LPAR1: variants seen among roughly 807,000 people sequenced by gnomAD.
LPAR1 encodes lysophosphatidic acid receptor 1, also known as LPA receptor 1.
LPAR1 carries 5 observed loss-of-function variants against 23.8 expected under a neutral mutation model. The ratio of observed to expected loss-of-function variants is 0.21; its 90% CI spans 0.11 to 0.44. LPAR1 has a LOEUF of 0.44. Among genes scored for constraint, LPAR1 ranks in the 20% least tolerant of loss-of-function variants. The pLI, the probability that LPAR1 is intolerant of heterozygous loss-of-function variation, is 0.99. For missense variants in LPAR1, 311 were observed against 482.8 expected (o/e 0.64, Z 3.33); for synonymous variants, 160 against 164.7 (o/e 0.97, Z 0.22).
At chr9:111,009,666 T>C (rs1012063793) in intron 2 of LPAR1, among the ~76,000 whole-genome samples, 22 of 151,934 alleles carry the variant, frequency 1.4e-4, no homozygotes, top group South Asian at 1.0e-3. Context: ...AAAAAAGTTA[T>C]TTAAAAATTA....
At chr9:111,007,360 C>T (rs2097240386) in intron 2 of LPAR1, among the ~76,000 whole-genome samples, 1 of 152,118 alleles carries the variant, frequency 6.6e-6, no homozygotes, top group South Asian at 2.1e-4. Flanking sequence ...CTTTATATCA[C>T]ATCATAAACT....
At chr9:110,918,185 G>A (rs933270429) in intron 5 of LPAR1, among the ~76,000 whole-genome samples, 1 of 152,016 alleles carries the variant, frequency 6.6e-6, no homozygotes, top group African/African-American at 2.4e-5. Flanking sequence ...CTCCCAAAGT[G>A]CTAGAATTAT....
chr9:110,895,390 G>A (rs1407587228), intron 5 of LPAR1, among the ~76,000 whole-genome samples: 1 of 152,230 alleles, frequency 6.6e-6, no homozygotes, highest in Non-Finnish European at 1.5e-5. Flanking sequence ...AGACACTGGG[G>A]CCTGGCCACT....
intron 2 of LPAR1, among the ~76,000 whole-genome samples, chr9:110,974,792 T>C (rs2096516962): frequency 6.6e-6 from 1 of 152,224 alleles, no homozygotes; most frequent in Non-Finnish European, 1.5e-5. Context: ...GAAAAGCATA[T>C]GTATACAGGA....
Position 110,968,427 on chromosome 9 carries a change from CCT to C in LPAR1, c.45+3644_45+3645del, listed in dbSNP as rs766545986. On this transcript the variant is annotated intron_variant, in intron 4 of 5. Transcript: ENST00000683809. Reference sequence around the variant, plus strand: ...AAACAAAATTCTAAATGCTTTGCTCCCTCTCTCTCTCTCTCTCTCACACACAC... The same window carrying C: ...AAACAAAATTCTAAATGCTTTGCTCCCTCTCTCTCTCTCTCTCACACACAC... Among the ~76,000 whole-genome samples the C allele has an allele frequency of 3.0e-3, 444 of 149,010 alleles. 1 individual carries two copies. The highest frequency in any genetic ancestry group is 8.6e-3 in the African/African-American group (350 of 40,746).
chr9:111,014,571 T>G (rs929535231), intron 2 of LPAR1, among the ~76,000 whole-genome samples: 13 of 152,158 alleles, frequency 8.5e-5, no homozygotes, highest in African/African-American at 2.9e-4. Context: ...AATGACCAGG[T>G]GTCTGCCCTG....
chr9:111,025,865 G>A (rs539428802), intron 2 of LPAR1, among the ~76,000 whole-genome samples: 2 of 152,030 alleles, frequency 1.3e-5, no homozygotes, highest in Non-Finnish European at 2.9e-5. Flanking sequence ...GTATATGTGT[G>A]GTATTATTTC....
chr9:111,018,619 A>G (rs1343139814), intron 2 of LPAR1, among the ~76,000 whole-genome samples: 1 of 152,210 alleles, frequency 6.6e-6, no homozygotes, highest in Non-Finnish European at 1.5e-5. Flanking sequence ...GACAATGGCT[A>G]TCTCTAGGTG....
chr9:110,889,339 C>A (rs2083377030), intron 5 of LPAR1, among the ~76,000 whole-genome samples: 1 of 151,888 alleles, frequency 6.6e-6, no homozygotes, highest in South Asian at 2.1e-4. Flanking sequence ...GCCTGGGCAA[C>A]AGAGTAAGAC....
chr9:111,020,535 C>T (rs142765332), intron 2 of LPAR1, among the ~76,000 whole-genome samples: 92 of 152,328 alleles, frequency 6.0e-4, no homozygotes, highest in Non-Finnish European at 8.8e-4. Flanking sequence ...CCACTTCTCT[C>T]TTAGGGCTAT....
intron 5 of LPAR1, among the ~76,000 whole-genome samples, chr9:110,894,145 TAAG>T (rs147840409): frequency 0.016 from 2,499 of 152,296 alleles, 60 homozygotes; most frequent in African/African-American, 0.055. Flanking sequence ...CATGGGAACT[TAAG>T]AAGCTAGTTA....
intron 2 of LPAR1, among the ~76,000 whole-genome samples, chr9:111,028,776 A>G (rs2097746962): frequency 1.3e-5 from 2 of 152,208 alleles, no homozygotes; most frequent in African/African-American, 4.8e-5. Flanking sequence ...TGAAATTTCC[A>G]AAGTTCTTCT....
intron 4 of LPAR1, among the ~76,000 whole-genome samples, chr9:110,945,988 T>C (rs1051246128): frequency 1.6e-4 from 25 of 152,192 alleles, no homozygotes; most frequent in African/African-American, 5.8e-4. Flanking sequence ...CTATGCAAGG[T>C]AGTAGCCACA....
intron 5 of LPAR1, among the ~76,000 whole-genome samples, chr9:110,886,752 G>A (rs941870779): frequency 5.9e-5 from 9 of 151,996 alleles, no homozygotes; most frequent in Admixed American, 1.3e-4. Flanking sequence ...ATTTTGCCTC[G>A]TAAACTAAGT....
intron 2 of LPAR1, among the ~76,000 whole-genome samples, chr9:111,000,721 C>A (rs1014124832): frequency 6.6e-6 from 1 of 152,172 alleles, no homozygotes; most frequent in African/African-American, 2.4e-5. Context: ...TGCTCTCCTA[C>A]GTGCACAGTG....
intron 4 of LPAR1, among the ~76,000 whole-genome samples, chr9:110,946,883 CTT>C (rs1007803010): frequency 6.6e-6 from 1 of 152,022 alleles, no homozygotes; most frequent in African/African-American, 2.4e-5. Context: ...TAGATAAAAA[CTT>C]GAAATGGGGA....
intron 2 of LPAR1, among the ~76,000 whole-genome samples, chr9:111,012,587 G>A (rs1225454695): frequency 6.6e-6 from 1 of 151,884 alleles, no homozygotes; most frequent in East Asian, 1.9e-4. Flanking sequence ...ACAAGACCCT[G>A]GTAATCACAT....
At chr9:110,987,940 A>C (rs2096822216) in intron 2 of LPAR1, among the ~76,000 whole-genome samples, 1 of 152,038 alleles carries the variant, frequency 6.6e-6, no homozygotes, top group East Asian at 1.9e-4. Context: ...GCACAATCAA[A>C]TTTACAAAAC....
At chr9:111,027,058 G>A (rs1194956790) in intron 2 of LPAR1, among the ~76,000 whole-genome samples, 3 of 152,178 alleles carry the variant, frequency 2.0e-5, no homozygotes, top group Non-Finnish European at 2.9e-5. Flanking sequence ...GACTAGGGAG[G>A]AGTCCCTCTT....
Sources: gnomAD v4.1 joint callset for allele counts (sites outside exome capture counted in the v4.1 genomes callset) on GRCh38, gnomAD v4.1.1 for gene constraint, MANE v1.5 for transcripts, NCBI Gene and HGNC (gene_info 2026-07-23, HGNC 2026-07-21) for gene names.